The following ST3GAL4 variants were observed in gnomAD, a reference collection of about 807,000 sequenced individuals.
ST3GAL4 encodes the protein ST3 beta-galactoside alpha-2,3-sialyltransferase 4.
In ST3GAL4, 24 loss-of-function variants were observed where a neutral mutation model predicts 42.6. The observed-to-expected ratio is 0.56, with a 90% CI of 0.41 to 0.79. The LOEUF (loss-of-function observed/expected upper bound fraction) is 0.79, where lower values mean the gene tolerates loss of function less well. Ranked by LOEUF, ST3GAL4 falls within the 30% of genes least tolerant of loss-of-function variation. ST3GAL4 has a pLI of 0.00. For synonymous variants in ST3GAL4, 135 were observed against 163.2 expected (o/e 0.83, Z 1.32); for missense variants, 311 against 430.8 (o/e 0.72, Z 2.46).
At chr11:126,370,822 A>G (rs996321955) in intron 1 of ST3GAL4, among the ~76,000 whole-genome samples, 1 of 151,818 alleles carries the variant, frequency 6.6e-6, no homozygotes, top group African/African-American at 2.4e-5. Context: ...GACTACAGAC[A>G]TGTGCCACCA....
At chr11:126,387,017 C>T (rs1426100730) in intron 1 of ST3GAL4, among the ~76,000 whole-genome samples, 1 of 152,164 alleles carries the variant, frequency 6.6e-6, no homozygotes, top group Non-Finnish European at 1.5e-5. Context: ...GCCCAGGGTG[C>T]ATACTGTGGC....
At chr11:126,365,367 A>G (rs1952387226) in intron 1 of ST3GAL4, among the ~76,000 whole-genome samples, 1 of 152,090 alleles carries the variant, frequency 6.6e-6, no homozygotes, top group Non-Finnish European at 1.5e-5. Context: ...GGCGCTGGCC[A>G]GGACCTTAGA....
rs1952720302 is a variant in ST3GAL4, at chr11:126,373,238, C to T, written c.-61+17396C>T. ...ACTTGGGTGCTGATTCTAGGAGGTA[C>T]TGCATCTAGAAAGATGGGAGGTGGG... is the stretch of plus-strand genomic sequence containing the variant. On this transcript the variant is annotated intron_variant, in intron 1 of 10. Transcript: ENST00000444328. The surrounding 1 kb of genome is among the most constrained non-coding windows in gnomAD (Gnocchi z 5.5). Among the ~76,000 whole-genome samples, 1 of 152,160 alleles carries T rather than the reference C, an allele frequency of 6.6e-6. No homozygotes were observed. Among genetic ancestry groups the T allele is most frequent in the African/African-American group, 2.4e-5 (1 of 41,428 alleles).
At chr11:126,356,547 G>C (rs189503763) in intron 1 of ST3GAL4, among the ~76,000 whole-genome samples, 1 of 152,228 alleles carries the variant, frequency 6.6e-6, no homozygotes, top group Non-Finnish European at 1.5e-5. Context: ...TCCCAGTCCT[G>C]GGGGGAGGCT....
intron 9 of ST3GAL4, among the ~76,000 whole-genome samples, chr11:126,412,686 T>C (rs1954583165): frequency 1.3e-5 from 2 of 152,108 alleles, no homozygotes; most frequent in South Asian, 4.1e-4. Flanking sequence ...TTTAAAAAAA[T>C]AGAGCGCCAC....
intron 1 of ST3GAL4, among the ~76,000 whole-genome samples, chr11:126,372,245 G>A (rs1952683030): frequency 2.0e-5 from 3 of 152,060 alleles, no homozygotes; most frequent in African/African-American, 2.4e-5. Context: ...CTTGGCAGCC[G>A]CCATTCTGCT....
Position 126,407,028 on chromosome 11 carries a change from G to A in ST3GAL4, c.182+5G>A, listed in dbSNP as rs1486948793. ...GGCCTCTAAGCTCTTTGGCAAGTAA[G>A]TACTTAAGGATGAGGAGGGTAGAGC... On this transcript the variant is annotated splice_donor_5th_base_variant and intron_variant, in intron 4 of 10. Transcript: ENST00000444328. 6.2e-7 allele frequency: 1 copy of A among 1,613,642 alleles called. No homozygotes were observed. Among genetic ancestry groups the A allele is most frequent in the Non-Finnish European group, 8.5e-7 (1 of 1,179,588 alleles).
At position 126,398,684 on chromosome 11, in the gene ST3GAL4, T is replaced by C. The variant is rs1044990193; in HGVS notation, c.-60-7412T>C. 2.0e-5 allele frequency among the ~76,000 whole-genome samples: 3 copies of C among 152,198 alleles called. No homozygotes were observed. The highest frequency in any genetic ancestry group is 4.4e-5 in the Non-Finnish European group (3 of 68,034). On this transcript the variant is annotated intron_variant, in intron 1 of 10. Coordinates refer to ENST00000444328, the MANE Select transcript of ST3GAL4 (RefSeq NM_001254757.2). The surrounding 1 kb of genome is among the most constrained non-coding windows in gnomAD (Gnocchi z 4.7). ...ACCCTGCAACCAGTCTCTGCCTGGG[T>C]CCCGAGTCTGTCCGCAATATCCTTT... is the stretch of plus-strand genomic sequence containing the variant.
At chr11:126,374,181 G>C (rs1952750705) in intron 1 of ST3GAL4, among the ~76,000 whole-genome samples, 1 of 152,022 alleles carries the variant, frequency 6.6e-6, no homozygotes, top group Non-Finnish European at 1.5e-5. Context: ...GCCAGGCACA[G>C]TGGCTCACCC....
At chr11:126,387,114 G>T (rs1278412602) in intron 1 of ST3GAL4, among the ~76,000 whole-genome samples, 8 of 152,314 alleles carry the variant, frequency 5.3e-5, no homozygotes, top group African/African-American at 1.9e-4. Context: ...CAGGTGACGC[G>T]TGTTCTAGGG....
In ST3GAL4 at chr11:126,392,658, C is replaced by T. The variant is rs1953562039; in HGVS notation, c.-60-13438C>T. 6.6e-6 allele frequency among the ~76,000 whole-genome samples: 1 copy of T among 152,200 alleles called. No individual in the cohort carries two copies. The highest frequency in any genetic ancestry group is 2.4e-5 in the African/African-American group (1 of 41,444). ...TATTTGTCAGTTATCTACCATGTGT[C>T]AGGCATTAAATTTAGTGCTGGAGAT... On this transcript the variant is annotated intron_variant, in intron 1 of 10. Transcript: ENST00000444328. The surrounding 1 kb of genome is among the most constrained non-coding windows in gnomAD (Gnocchi z 5.8).
rs1364405027 is a variant in ST3GAL4, at chr11:126,367,749, T to C, written c.-61+11907T>C. 3.9e-5 allele frequency among the ~76,000 whole-genome samples: 6 copies of C among 152,342 alleles called. No individual in the cohort carries two copies. The South Asian group carries it at 1.0e-3, about 26-fold the overall frequency. On this transcript the variant is annotated intron_variant, in intron 1 of 10. Coordinates refer to ENST00000444328, the MANE Select transcript of ST3GAL4 (RefSeq NM_001254757.2). ...CTGGTTCCACCATTTTTGAGCTCTC[T>C]GATCTTGGGACCCTTAATGTATTTG...
At chr11:126,407,109 G>C in intron 4 of ST3GAL4, 86 bp downstream of exon 4, 1 of 1,495,390 alleles carries the variant, frequency 6.7e-7, no homozygotes, top group East Asian at 2.3e-5. Flanking sequence ...TAGATGGAAA[G>C]AGCAGCTGTG....
chr11:126,357,599 C>G (rs929711348), intron 1 of ST3GAL4, among the ~76,000 whole-genome samples: 2 of 152,198 alleles, frequency 1.3e-5, no homozygotes, highest in Admixed American at 6.5e-5. Context: ...CCTCGTTAGA[C>G]TCCTAGAATC....
Position 126,384,838 on chromosome 11 carries a change from G to A in ST3GAL4, c.-60-21258G>A, listed in dbSNP as rs1026178056. 3.2e-5 allele frequency: 32 copies of A among 985,274 alleles called. No homozygotes were observed. The highest frequency in any genetic ancestry group is 5.2e-4 in the Middle Eastern group (1 of 1,936). The allele number at this position is 985,274 out of a possible 1,614,324, so 61.0% of individuals were successfully genotyped here. ...GTGGCAGGTCCTTTGTCACATATGG[G>A]CCAGGAGAGGTGAGTGTGATTGTGG... On this transcript the variant is annotated intron_variant, in intron 1 of 10. Coordinates refer to ENST00000444328, the MANE Select transcript of ST3GAL4 (RefSeq NM_001254757.2). This position sits in a 1 kb window ranked among gnomAD's most constrained non-coding sequence, Gnocchi z 5.5.
chr11:126,358,103 C>T (rs1468680273), intron 1 of ST3GAL4, among the ~76,000 whole-genome samples: 1 of 152,242 alleles, frequency 6.6e-6, no homozygotes, highest in Non-Finnish European at 1.5e-5. Context: ...CTCCTGGCCC[C>T]TCGGAGATGG....
At chr11:126,374,087 C>T (rs913993288) in intron 1 of ST3GAL4, among the ~76,000 whole-genome samples, 11 of 151,796 alleles carry the variant, frequency 7.2e-5, no homozygotes, top group Non-Finnish European at 1.6e-4. Flanking sequence ...AACATCTTTG[C>T]AAGCAGGGGA....
intron 1 of ST3GAL4, among the ~76,000 whole-genome samples, chr11:126,389,250 A>G (rs1953376347): frequency 6.6e-6 from 1 of 152,340 alleles, no homozygotes; most frequent in African/African-American, 2.4e-5. Flanking sequence ...TATCTCATCT[A>G]TATAAATATT....
rs370696158 is a variant in ST3GAL4 at position 126,378,313 on chromosome 11, G to A, written c.-61+22471G>A. Among the ~76,000 whole-genome samples the A allele has an allele frequency of 6.6e-5, 10 of 152,302 alleles. No homozygotes were observed. Among genetic ancestry groups the A allele is most frequent in the East Asian group, 1.9e-4 (1 of 5,182 alleles). On this transcript the variant is annotated intron_variant, in intron 1 of 10. Transcript: ENST00000444328. This position sits in a 1 kb window ranked among gnomAD's most constrained non-coding sequence, Gnocchi z 5.3. ...TCCGTCACATCTGCGTCTGCACAGC[G>A]CCACGTTGAATGGTTATGGTTTCAA...
Sources: gnomAD v4.1 joint callset for allele counts (sites outside exome capture counted in the v4.1 genomes callset) on GRCh38, gnomAD v4.1.1 for gene constraint, Gnocchi (gnomAD v3.1) non-coding constraint, MANE v1.5 for transcripts, NCBI Gene and HGNC (gene_info 2026-07-23, HGNC 2026-07-21) for gene names.